The following SLC25A12 variants were observed in gnomAD, a reference collection of about 807,000 sequenced individuals.
SLC25A12 encodes the protein solute carrier family 25 member 12, also known as electrogenic aspartate/glutamate antiporter SLC25A12, mitochondrial.
SLC25A12 carries 32 observed loss-of-function variants against 83.3 expected under a neutral mutation model. The observed-to-expected ratio is 0.38, with a 90% CI of 0.29 to 0.52. The LOEUF is 0.52. SLC25A12 is among the 20% of genes least tolerant of loss of function. SLC25A12 has a pLI of 0.84. For synonymous variants in SLC25A12, 267 were observed against 291.1 expected, an observed-to-expected ratio of 0.92 and a Z score of 0.84; for missense variants, 611 against 835.6, an observed-to-expected ratio of 0.73 and a Z score of 3.31.
Position 171,815,161 on chromosome 2 carries a change from G to A in SLC25A12, c.972C>T (p.Ala324=), listed in dbSNP as rs200048270. The change falls in exon 10 of 18, where the codon GCC becomes GCT. Residue 324 remains alanine, a synonymous_variant. Transcript: ENST00000422440. ...CCAGAGTGAATCTGTAAGCAGACTC[G>A]GCAATCTGGAGCCAGATAGGCCTGC... ...GLGRPIWLQI[A]ESAYRFTLGS... is the part of the protein sequence containing the mutation. 6.1e-5 allele frequency: 98 copies of A among 1,613,722 alleles called. No homozygotes were observed. The highest frequency in any genetic ancestry group is 6.0e-4 in the East Asian group (27 of 44,874).
At position 171,838,458 on chromosome 2, in the gene SLC25A12, G is replaced by T. The variant is rs115219109; in HGVS notation, c.466-1191C>A. 7.5e-3 allele frequency among the ~76,000 whole-genome samples: 866 copies of T among 116,036 alleles called. 5 individuals are homozygous for T. The highest frequency in any genetic ancestry group is 0.024 in the African/African-American group (732 of 30,128). 76.1% of individuals were successfully genotyped at this position (116,036 alleles called of 152,430 possible). A position where few individuals can be genotyped will look rare whatever the true frequency, so the allele number is the denominator to read the frequency against. ...ATATTCCTAAATAGCATCAAAAGTAGACACAGGTTCACTCCCTGTCTTATA... is the reference window on the plus strand; with the variant it reads ...ATATTCCTAAATAGCATCAAAAGTATACACAGGTTCACTCCCTGTCTTATA... On this transcript the variant is annotated intron_variant, in intron 5 of 17. Coordinates refer to ENST00000422440, the MANE Select transcript of SLC25A12 (RefSeq NM_003705.5).
At chr2:171,853,175 C>T (rs1395171944) in intron 4 of SLC25A12, among the ~76,000 whole-genome samples, 2 of 152,070 alleles carry the variant, frequency 1.3e-5, no homozygotes, top group African/African-American at 4.8e-5. Flanking sequence ...CTGCACCTGG[C>T]TTCATCTTTT....
At chr2:171,890,040 T>C (rs1685898875) in intron 2 of SLC25A12, among the ~76,000 whole-genome samples, 1 of 152,252 alleles carries the variant, frequency 6.6e-6, no homozygotes, top group Non-Finnish European at 1.5e-5. Context: ...TTGCCTTCAC[T>C]ATTCTTGATT....
At chr2:171,876,431 C>A (rs1005728875) in intron 2 of SLC25A12, among the ~76,000 whole-genome samples, 21 of 151,878 alleles carry the variant, frequency 1.4e-4, no homozygotes, top group African/African-American at 5.1e-4. Flanking sequence ...AATCTATCTA[C>A]CCACAGTCAG....
At chr2:171,838,141 AAAT>A (rs1558926049) in intron 5 of SLC25A12, among the ~76,000 whole-genome samples, 1 of 152,250 alleles carries the variant, frequency 6.6e-6, no homozygotes, top group Admixed American at 6.5e-5. Context: ...GCAACTCTGT[AAAT>A]AATAGTCATA....
chr2:171,793,655 C>G lies in SLC25A12; in HGVS notation c.1418G>C (p.Arg473Pro). The G allele has an allele frequency of 6.2e-7, 1 of 1,614,106 alleles. No individual in the cohort carries two copies. Residue 473 changes from arginine to proline, a missense_variant, in exon 14 of 18, where the codon CGG becomes CCG. Arg to Pro is a moderately radical substitution (Grantham distance 103). Transcript: ENST00000422440. ...GPRVSALNVL[R>P]DLGIFGLYKG... The stretch of plus-strand genomic sequence containing the variant: ...ATACAGACCAAAAATTCCCAAGTCC[C>G]GGAGCACATTCAGGGCGCTGACTCT...
intron 2 of SLC25A12, chr2:171,871,544 T>G (rs55736646): frequency 6.4e-6 from 1 of 157,188 alleles, no homozygotes; most frequent in South Asian, 2.0e-4. Flanking sequence ...ATGGTCTTGA[T>G]CTCCTGACCT....
At chr2:171,805,669 T>G (rs1429750478) in intron 13 of SLC25A12, among the ~76,000 whole-genome samples, 2 of 152,272 alleles carry the variant, frequency 1.3e-5, no homozygotes, top group African/African-American at 4.8e-5. Flanking sequence ...AGGTATCTAT[T>G]CCTCATTAGC....
At chr2:171,815,062 C>A in intron 10 of SLC25A12, 59 bp downstream of exon 10, 1 of 1,367,692 alleles carries the variant, frequency 7.3e-7, no homozygotes, top group South Asian at 1.2e-5. Context: ...CTGCCTCAGT[C>A]TGGTGAGATA....
intron 4 of SLC25A12, among the ~76,000 whole-genome samples, chr2:171,851,326 T>C (rs1684924436): frequency 6.6e-6 from 1 of 151,752 alleles, no homozygotes; most frequent in Non-Finnish European, 1.5e-5. Flanking sequence ...CCCAAGTAAC[T>C]GGGATTACAG....
chr2:171,789,248 T>C (rs919948069), intron 15 of SLC25A12, among the ~76,000 whole-genome samples: 1 of 152,080 alleles, frequency 6.6e-6, no homozygotes, highest in African/African-American at 2.4e-5. Context: ...CTTTTTTTTT[T>C]GAGACAGTCT....
chr2:171,893,027 A>G (rs147888386), intron 2 of SLC25A12, among the ~76,000 whole-genome samples, 178 bp downstream of exon 2: 5 of 152,248 alleles, frequency 3.3e-5, no homozygotes, highest in African/African-American at 1.2e-4. Flanking sequence ...ATCGACCCTT[A>G]ATTAAAAGAA....
intron 2 of SLC25A12, among the ~76,000 whole-genome samples, chr2:171,886,230 CTTTT>C (rs11428637): frequency 3.3e-5 from 4 of 122,556 alleles, no homozygotes; most frequent in Admixed American, 8.9e-5. Flanking sequence ...AATATAATAG[CTTTT>C]TTTTTTTTTT....
intron 2 of SLC25A12, among the ~76,000 whole-genome samples, chr2:171,881,151 TTG>T (rs1346866450): frequency 6.6e-6 from 1 of 151,814 alleles, no homozygotes; most frequent in Admixed American, 6.6e-5. Context: ...TCTTTTTTTG[TTG>T]TTGTTGTTGT....
chr2:171,885,018 C>A (rs941865789), intron 2 of SLC25A12, among the ~76,000 whole-genome samples: 2 of 151,954 alleles, frequency 1.3e-5, no homozygotes, highest in South Asian at 2.1e-4. Flanking sequence ...CTGAGACCAT[C>A]CTGGCTAACA....
At chr2:171,868,657 C>T (rs776063840) in intron 3 of SLC25A12, 24 bp downstream of exon 3, 18 of 1,610,794 alleles carry the variant, frequency 1.1e-5, no homozygotes, top group Non-Finnish European at 1.4e-5. Flanking sequence ...CATTAGTTTT[C>T]AGAAAATGCA....
chr2:171,792,738 G>T (rs1280027526), intron 14 of SLC25A12, among the ~76,000 whole-genome samples: 1 of 152,164 alleles, frequency 6.6e-6, no homozygotes, highest in Non-Finnish European at 1.5e-5. Context: ...ATTGGGAGTG[G>T]GGAGGAGGAA....
At chr2:171,863,091 TG>T in intron 3 of SLC25A12, among the ~76,000 whole-genome samples, 1 of 152,068 alleles carries the variant, frequency 6.6e-6, no homozygotes, top group East Asian at 1.9e-4. Context: ...TGTGTAGAGA[TG>T]GGGTTTCACC....
In SLC25A12 at chr2:171,809,595, G is replaced by C. The variant is rs377429373; in HGVS notation, c.1305+11C>G. On this transcript the variant is annotated intron_variant, in intron 13 of 17. Transcript: ENST00000422440. The stretch of plus-strand genomic sequence containing the variant: ...TATTTGTCACAAGAAGCGCCTAACA[G>C]TAATACTTACACAGCCTCCAGCAAG... 5 of 1,606,276 alleles carry C rather than the reference G, an allele frequency of 3.1e-6. No homozygotes were observed. The highest frequency in any genetic ancestry group is 3.4e-6 in the Non-Finnish European group (4 of 1,172,898).
Sources: allele counts gnomAD v4.1 joint callset (sites outside exome capture counted in the v4.1 genomes callset), GRCh38; gene constraint gnomAD v4.1.1; transcripts MANE v1.5; gene names NCBI Gene and HGNC (gene_info 2026-07-23, HGNC 2026-07-21).